CORO2B: variants seen among roughly 807,000 people sequenced by gnomAD.
CORO2B encodes coronin 2B, also known as coronin-2B.
CORO2B carries 26 observed loss-of-function variants against 58.8 expected under a neutral mutation model. The ratio of observed to expected loss-of-function variants is 0.44; its 90% CI spans 0.32 to 0.61. CORO2B has a LOEUF of 0.61. CORO2B is among the 20% of genes least tolerant of loss of function. The probability of loss-of-function intolerance (pLI) is 0.04; values close to 1 mark genes in which losing one functional copy is unlikely to be tolerated. For synonymous variants in CORO2B, 242 were observed against 253.8 expected (o/e 0.95, Z 0.44); for missense variants, 460 against 645.1 (o/e 0.71, Z 3.11).
intron 1 of CORO2B, among the ~76,000 whole-genome samples, chr15:68,636,490 G>A (rs576189042): frequency 2.9e-4 from 44 of 152,318 alleles, no homozygotes; most frequent in Non-Finnish European, 1.3e-4. Flanking sequence ...AGCCCTGCCT[G>A]TTCCCACTTG....
At chr15:68,690,649 T>TCTTTTCC (rs762490603) in intron 2 of CORO2B, among the ~76,000 whole-genome samples, 1 of 141,336 alleles carries the variant, frequency 7.1e-6, no homozygotes, top group Non-Finnish European at 1.5e-5. Flanking sequence ...TAGCTTTCTT[T>TCTTTTCC]TTTTTTTTTT....
intron 1 of CORO2B, among the ~76,000 whole-genome samples, chr15:68,602,407 T>TCACACACACACA (rs370587519): frequency 4.1e-4 from 57 of 139,052 alleles, no homozygotes; most frequent in African/African-American, 8.0e-4. Context: ...TAGGGGCTGA[T>TCACACACACACA]CACACACACA....
At chr15:68,697,172 AGATGGATGGATGGATTGTTGGATG>A (rs1480739829) in intron 3 of CORO2B, among the ~76,000 whole-genome samples, 3 of 150,346 alleles carry the variant, frequency 2.0e-5, no homozygotes, top group Non-Finnish European at 3.0e-5. Flanking sequence ...TTGGATGGAT[AGATGGATGGATGGATTGTTGGATG>A]GATGGATGGA....
At chr15:68,635,977 T>C (rs1276259265) in intron 1 of CORO2B, among the ~76,000 whole-genome samples, 1 of 152,146 alleles carries the variant, frequency 6.6e-6, no homozygotes, top group Non-Finnish European at 1.5e-5. Context: ...GCCAGGATAA[T>C]TGAGGAGCAG....
At chr15:68,575,397 G>C (rs1003210119), upstream of CORO2B, among the ~76,000 whole-genome samples, 25 of 149,588 alleles carry the variant, frequency 1.7e-4, no homozygotes, top group Non-Finnish European at 3.0e-4. Context: ...GAGTGCAGTG[G>C]CGCGATCTCA....
chr15:68,554,597 C>T, the CORO2B span, among the ~76,000 whole-genome samples: 1 of 152,296 alleles, frequency 6.6e-6, no homozygotes, highest in African/African-American at 2.4e-5. Context: ...CAGCCCCCGC[C>T]CCACCATCTG....
At chr15:68,702,093 G>A (rs1892666243) in intron 3 of CORO2B, among the ~76,000 whole-genome samples, 1 of 152,066 alleles carries the variant, frequency 6.6e-6, no homozygotes, top group Non-Finnish European at 1.5e-5. Flanking sequence ...GTCCTCCTCA[G>A]GGGGTTGGGT....
At chr15:68,581,214 C>A (rs893959905) in intron 1 of CORO2B, among the ~76,000 whole-genome samples, 1 of 152,172 alleles carries the variant, frequency 6.6e-6, no homozygotes, top group Non-Finnish European at 1.5e-5. Flanking sequence ...TCCTCCACCC[C>A]CATACCCAGC....
chr15:68,704,333 T>C (rs1162752309), intron 3 of CORO2B, among the ~76,000 whole-genome samples: 16 of 152,190 alleles, frequency 1.1e-4, no homozygotes, highest in Admixed American at 1.0e-3. Flanking sequence ...GTAAGCATCC[T>C]TAAGTGTTAT....
At chr15:68,675,550 G>T (rs1375003508) in intron 2 of CORO2B, among the ~76,000 whole-genome samples, 1 of 152,156 alleles carries the variant, frequency 6.6e-6, no homozygotes, top group African/African-American at 2.4e-5. Flanking sequence ...GTGATCTTGA[G>T]CAAGACCATG....
At chr15:68,718,490 G>A (rs1893083303) in intron 8 of CORO2B, among the ~76,000 whole-genome samples, 1 of 152,196 alleles carries the variant, frequency 6.6e-6, no homozygotes, top group South Asian at 2.1e-4. Context: ...TGGTGAGGCA[G>A]GTCTGGCCCA....
chr15:68,560,426 C>G, the CORO2B span, among the ~76,000 whole-genome samples: 4 of 152,166 alleles, frequency 2.6e-5, no homozygotes, highest in Non-Finnish European at 5.9e-5. Context: ...TCTGGAGTAG[C>G]TGGGACTACA....
chr15:68,706,489 T>G (rs1892789101), intron 3 of CORO2B, among the ~76,000 whole-genome samples: 1 of 151,722 alleles, frequency 6.6e-6, no homozygotes. Flanking sequence ...GTTAGTGGAG[T>G]TAATGAGGCT....
At chr15:68,552,763 G>A in the CORO2B span, among the ~76,000 whole-genome samples, 2 of 152,148 alleles carry the variant, frequency 1.3e-5, no homozygotes, top group African/African-American at 4.8e-5. Flanking sequence ...CAGCCCCTCT[G>A]ATCTCAACAT....
Position 68,579,067 on chromosome 15 carries a change from G to A in CORO2B, c.-196G>A, listed in dbSNP as rs1483061241. 7 of 983,762 alleles carry A rather than the reference G, an allele frequency of 7.1e-6. No individual in the cohort carries two copies. Among genetic ancestry groups the A allele is most frequent in the East Asian group, 1.1e-4 (1 of 8,708 alleles). The allele number at this position is 983,762 out of a possible 1,614,324, so 60.9% of individuals were successfully genotyped here. On this transcript the variant is annotated 5_prime_UTR_variant, in exon 1 of 12. Coordinates refer to ENST00000261861, the MANE Select transcript of CORO2B (RefSeq NM_006091.5). ...CACATTCGGGGCTGACATCAGCGAC[G>A]AGCGGCGGGCGAGCGCCGACGAGCG...
At chr15:68,657,517 CAA>C (rs373642309) in intron 2 of CORO2B, among the ~76,000 whole-genome samples, 89 of 87,050 alleles carry the variant, frequency 1.0e-3, no homozygotes, top group African/African-American at 2.9e-3. Context: ...GATCCTGTCT[CAA>C]AAAAAAAAAA....
At chr15:68,705,580 C>T (rs1431893418) in intron 3 of CORO2B, among the ~76,000 whole-genome samples, 1 of 152,174 alleles carries the variant, frequency 6.6e-6, no homozygotes, top group Non-Finnish European at 1.5e-5. Flanking sequence ...CCCTCAAGCC[C>T]TGCCTGAGAC....
Position 68,726,417 on chromosome 15 carries a change from G to C in CORO2B, c.*443G>C, listed in dbSNP as rs1298578324. 4.5e-6 allele frequency: 1 copy of C among 222,962 alleles called. No homozygotes were observed. The highest frequency in any genetic ancestry group is 8.9e-6 in the Non-Finnish European group (1 of 112,074). The allele number at this position is 222,962 out of a possible 1,614,324, so 13.8% of individuals were successfully genotyped here. A position where few individuals can be genotyped will look rare whatever the true frequency, so the allele number is the denominator to read the frequency against. ...CATCACTGAAGGTACCACAGTGTAA[G>C]TGCTGGACTGCAGGCTGCAGTGATC... On this transcript the variant is annotated 3_prime_UTR_variant, in exon 12 of 12. Coordinates refer to ENST00000261861, the MANE Select transcript of CORO2B (RefSeq NM_006091.5).
the CORO2B span, among the ~76,000 whole-genome samples, chr15:68,566,766 G>A: frequency 2.0e-5 from 3 of 152,210 alleles, no homozygotes; most frequent in African/African-American, 7.2e-5. Context: ...AGGCACCCTT[G>A]GGGTGAGCCC....
Sources: gnomAD v4.1 joint callset for allele counts (sites outside exome capture counted in the v4.1 genomes callset) on GRCh38, gnomAD v4.1.1 for gene constraint, MANE v1.5 for transcripts, NCBI Gene and HGNC (gene_info 2026-07-23, HGNC 2026-07-21) for gene names.